ZNF787: variants seen among roughly 807,000 people sequenced by gnomAD.
The protein encoded by ZNF787 is zinc finger protein 787, also known as TTF-I-interacting peptide 20.
In ZNF787, 7 loss-of-function variants were observed where a neutral mutation model predicts 16.9. The observed-to-expected ratio is 0.42, with a 90% CI of 0.24 to 0.78. The LOEUF is 0.78. Among genes scored for constraint, ZNF787 ranks in the 30% least tolerant of loss-of-function variants. The pLI, the probability that ZNF787 is intolerant of heterozygous loss-of-function variation, is 0.30. For missense variants in ZNF787, 551 were observed against 589.3 expected (o/e 0.94, Z 0.67); for synonymous variants, 345 against 270.9 (o/e 1.27, Z -2.69).
chr19:56,091,987 ACCGAAG>A (rs1437543758), intron 2 of ZNF787, among the ~76,000 whole-genome samples: 2 of 149,428 alleles, frequency 1.3e-5, no homozygotes, highest in Non-Finnish European at 3.0e-5. Context: ...CGAAGGCGAA[ACCGAAG>A]CCAAACGGAA....
intron 1 of ZNF787, among the ~76,000 whole-genome samples, chr19:56,112,878 T>TGGGCCCCCCCC (rs2030021420): frequency 2.4e-5 from 3 of 126,468 alleles, no homozygotes; most frequent in South Asian, 2.9e-4. Flanking sequence ...GACCAGCCGT[T>TGGGCCCCCCCC]CCCCCCACCC....
At chr19:56,112,236 C>G (rs1208741572) in intron 1 of ZNF787, among the ~76,000 whole-genome samples, 1 of 152,154 alleles carries the variant, frequency 6.6e-6, no homozygotes, top group Non-Finnish European at 1.5e-5. Flanking sequence ...AAACCCTGGG[C>G]TATTCAAGGA....
At chr19:56,115,539 C>T (rs953297457) in intron 1 of ZNF787, among the ~76,000 whole-genome samples, 1 of 151,890 alleles carries the variant, frequency 6.6e-6, no homozygotes, top group Non-Finnish European at 1.5e-5. Flanking sequence ...TTTGTATTTT[C>T]AGTAGAGACG....
rs1291726442 is a variant in ZNF787 at position 56,103,174 on chromosome 19, G to A, written c.44C>T (p.Ser15Phe). The change falls in exon 2 of 3, where the codon TCT (serine) becomes TTT (phenylalanine). Residue 15 changes from serine (S) to phenylalanine (F), a missense_variant. Physicochemically the swap from Ser to Phe is radical, Grantham distance 155 (BLOSUM62 -2). Around this residue, in one of 4 missense-constraint regions of ZNF787, gnomAD observed 80 missense variants for 105.9 expected, o/e 0.76. Transcript: ENST00000610935. Reference protein sequence around the residue: ...EEAWSPGPLDSEDQQMASHEN... With the variant: ...EEAWSPGPLDFEDQQMASHEN... ...GTGACTGGCCATCTGCTGGTCCTCA[G>A]AATCCAGCGGCCCCGGAGACCAGGC... 1 of 1,588,904 alleles carries A rather than the reference G, an allele frequency of 6.3e-7. No individual in the cohort carries two copies. The highest frequency in any genetic ancestry group is 1.8e-5 in the Admixed American group (1 of 56,756).
At chr19:56,120,896 C>CCGCGCA (rs2030275128) in intron 1 of ZNF787, among the ~76,000 whole-genome samples, 1 of 136,124 alleles carries the variant, frequency 7.3e-6, no homozygotes, top group South Asian at 2.3e-4. Flanking sequence ...GGACCCGGAC[C>CCGCGCA]CGCGCACGCG....
At chr19:56,106,055 A>T (rs1599952415) in intron 1 of ZNF787, among the ~76,000 whole-genome samples, 1 of 121,892 alleles carries the variant, frequency 8.2e-6, no homozygotes, top group African/African-American at 3.2e-5. Flanking sequence ...GTCACCGCGC[A>T]TTCCGCCCTC....
At chr19:56,119,950 A>G (rs544216176) in intron 1 of ZNF787, among the ~76,000 whole-genome samples, 1 of 149,592 alleles carries the variant, frequency 6.7e-6, no homozygotes, top group Non-Finnish European at 1.5e-5. Context: ...AGCACTGCGC[A>G]ACATGGGACC....
At chr19:56,111,801 G>A (rs1201494182) in intron 1 of ZNF787, among the ~76,000 whole-genome samples, 1 of 152,158 alleles carries the variant, frequency 6.6e-6, no homozygotes. Context: ...TGAGCAACGG[G>A]CAGCCGCGGT....
chr19:56,119,791 G>A (rs568888431), intron 1 of ZNF787, among the ~76,000 whole-genome samples: 21 of 152,378 alleles, frequency 1.4e-4, no homozygotes, highest in African/African-American at 4.1e-4. Flanking sequence ...GTGCGTGGCC[G>A]GAGGACCACA....
intron 1 of ZNF787, among the ~76,000 whole-genome samples, chr19:56,104,465 C>T (rs201940043): frequency 7.4e-6 from 1 of 135,644 alleles, no homozygotes; most frequent in Non-Finnish European, 1.6e-5. Flanking sequence ...ACCCGTGCCA[C>T]GCACCGGGAG....
chr19:56,091,936 G>A (rs55765849), intron 2 of ZNF787, among the ~76,000 whole-genome samples: 104,132 of 136,668 alleles, frequency 0.76, 40,209 homozygotes, highest in South Asian at 0.89. Flanking sequence ...AGCCGAAGCC[G>A]AAGCCAAAGC....
Position 56,088,076 on chromosome 19 carries a change from C to A in ZNF787, c.1096G>T (p.Asp366Tyr). Residue 366 changes from aspartate (D) to tyrosine (Y), a missense_variant, in exon 3 of 3, where the codon GAC (aspartate) becomes TAC (tyrosine). By Grantham distance (160) the Asp-to-Tyr change is radical. Transcript: ENST00000610935. This position sits in a 1 kb window ranked among gnomAD's most constrained non-coding sequence, Gnocchi z 8.6. ...GGGCACCGCCCGCCCGCGGCCTCGT[C>A]GTCGTCGTCCTCCTCCTCCCCGCCC... is the stretch of plus-strand genomic sequence containing the variant. Reference protein sequence around the residue: ...RAGGEEEDDDDEAAGGRCPEC... With the variant: ...RAGGEEEDDDYEAAGGRCPEC... The A allele has an allele frequency of 7.4e-7, 1 of 1,356,768 alleles. No individual in the cohort carries two copies. The highest frequency in any genetic ancestry group is 1.3e-5 in the South Asian group (1 of 77,698). 84.0% of individuals were successfully genotyped at this position (1,356,768 alleles called of 1,614,324 possible). A position where few individuals can be genotyped will look rare whatever the true frequency, so the allele number is the denominator to read the frequency against.
intron 1 of ZNF787, among the ~76,000 whole-genome samples, chr19:56,114,970 CTCCTGGCCTGAAAACCTCA>C (rs1568536173): frequency 6.6e-6 from 1 of 152,198 alleles, no homozygotes; most frequent in African/African-American, 2.4e-5. Flanking sequence ...CGCTCCCTCA[CTCCTGGCCTGAAAACCTCA>C]TTCTTGTTCC....
At chr19:56,112,596 C>T (rs1010653519) in intron 1 of ZNF787, among the ~76,000 whole-genome samples, 24 of 151,338 alleles carry the variant, frequency 1.6e-4, no homozygotes, top group African/African-American at 5.6e-4. Context: ...CCTGGCCCTC[C>T]GTGGCCCTCC....
In ZNF787 at chr19:56,088,209, C is replaced by T. The variant is rs1235508374; in HGVS notation, c.963G>A (p.Glu321=). The change falls in exon 3 of 3, where the codon GAG becomes GAA. Residue 321 remains glutamate, a synonymous_variant. Transcript: ENST00000610935. This position sits in a 1 kb window ranked among gnomAD's most constrained non-coding sequence, Gnocchi z 8.6. The stretch of plus-strand genomic sequence containing the variant: ...CGCCCTGCACGAAGCCCTCCCCGCA[C>T]TCCACGCAGATGTGGGCCGGCTCCT... ...GGEEPAHICV[E]CGEGFVQGAA... is the part of the protein sequence containing the mutation. 7 of 1,529,380 alleles carry T rather than the reference C, an allele frequency of 4.6e-6. No homozygotes were observed. The Admixed American group carries it at 9.6e-5, about 21-fold the overall frequency. 94.7% of individuals were successfully genotyped at this position (1,529,380 alleles called of 1,614,324 possible).
rs1348470196 is a variant in ZNF787 at position 56,088,292 on chromosome 19, C to A, written c.880G>T (p.Gly294Trp). 1.5e-6 allele frequency: 2 copies of A among 1,362,210 alleles called. No individual in the cohort carries two copies. Among genetic ancestry groups the A allele is most frequent in the Non-Finnish European group, 1.9e-6 (2 of 1,061,538 alleles). The allele number at this position is 1,362,210 out of a possible 1,614,324, so 84.4% of individuals were successfully genotyped here. The change falls in exon 3 of 3, where the codon GGG becomes TGG. Residue 294 changes from glycine (G) to tryptophan (W), a missense_variant. This residue lies in a region of ZNF787 where 392 missense variants were observed against 312.7 expected (regional missense o/e 1.25). Transcript: ENST00000610935. The surrounding 1 kb of genome is among the most constrained non-coding windows in gnomAD (Gnocchi z 8.6). ...ECGKGFGHGAGLLAHQRAQHG... is the reference protein window; with the variant it reads ...ECGKGFGHGAWLLAHQRAQHG... ...TGGGCCCGCTGGTGCGCCAGGAGCC[C>A]GGCCCCGTGCCCGAAGCCCTTCCCG...
chr19:56,115,082 C>T (rs1377202754), intron 1 of ZNF787, among the ~76,000 whole-genome samples: 1 of 152,096 alleles, frequency 6.6e-6, no homozygotes, highest in African/African-American at 2.4e-5. Flanking sequence ...TTTCCTCAGC[C>T]CCGGGACATC....
intron 2 of ZNF787, among the ~76,000 whole-genome samples, chr19:56,090,628 C>A (rs550571297): frequency 5.3e-5 from 8 of 152,192 alleles, no homozygotes; most frequent in Non-Finnish European, 8.8e-5. Flanking sequence ...TCAAGACTAT[C>A]CTGGCCAACA....
chr19:56,117,336 G>A (rs2631635), intron 1 of ZNF787, among the ~76,000 whole-genome samples: 9,862 of 19,232 alleles, frequency 0.51, 1,635 homozygotes, highest in African/African-American at 0.62. Context: ...AGAGTGGCTA[G>A]TACAACCTCA....
Sources: allele counts gnomAD v4.1 joint callset (sites outside exome capture counted in the v4.1 genomes callset), GRCh38; gene constraint gnomAD v4.1.1; regional missense constraint gnomAD v4.1.1; non-coding constraint Gnocchi (gnomAD v3.1); transcripts MANE v1.5; gene names NCBI Gene and HGNC (gene_info 2026-07-23, HGNC 2026-07-21).